ZBTB7C: variants seen among roughly 807,000 people sequenced by gnomAD.
The protein encoded by ZBTB7C is zinc finger and BTB domain-containing protein 7C.
Under a neutral mutation model 25.7 loss-of-function variants are expected in ZBTB7C, and 8 were observed. The observed-to-expected ratio is 0.31, with a 90% CI of 0.18 to 0.56. ZBTB7C has a LOEUF of 0.56. Among genes scored for constraint, ZBTB7C ranks in the 20% least tolerant of loss-of-function variants. The probability of loss-of-function intolerance (pLI) is 0.91; values close to 1 mark genes in which losing one functional copy is unlikely to be tolerated. For synonymous variants in ZBTB7C, 394 were observed against 369.0 expected (o/e 1.07, Z -0.78); for missense variants, 824 against 855.2 (o/e 0.96, Z 0.46).
intron 2 of ZBTB7C, among the ~76,000 whole-genome samples, chr18:48,206,574 C>T (rs2042581052): frequency 2.6e-5 from 4 of 152,126 alleles, no homozygotes; most frequent in South Asian, 2.1e-4. Flanking sequence ...GTGGGAGGAT[C>T]GCTTCAGTCC....
chr18:48,171,706 A>G (rs888622180), intron 3 of ZBTB7C, among the ~76,000 whole-genome samples: 7 of 152,224 alleles, frequency 4.6e-5, no homozygotes, highest in Non-Finnish European at 1.0e-4. Flanking sequence ...GCAGGCACAC[A>G]GTAGGCATCT....
intron 2 of ZBTB7C, among the ~76,000 whole-genome samples, chr18:48,331,311 T>A (rs1397264806): frequency 6.6e-6 from 1 of 152,178 alleles, no homozygotes; most frequent in Non-Finnish European, 1.5e-5. Context: ...GATCTTGGGC[T>A]TTATGCTATA....
chr18:48,131,854 A>G (rs1368027162), intron 3 of ZBTB7C, among the ~76,000 whole-genome samples: 1 of 152,228 alleles, frequency 6.6e-6, no homozygotes, highest in Non-Finnish European at 1.5e-5. Context: ...CCTTAAAGAT[A>G]GGACGGCTAC....
At chr18:48,221,088 A>G (rs1701582007) in intron 2 of ZBTB7C, among the ~76,000 whole-genome samples, 1 of 143,366 alleles carries the variant, frequency 7.0e-6, no homozygotes, top group Non-Finnish European at 1.5e-5. Context: ...AGTCTCCTCT[A>G]TACTATCCCA....
At chr18:48,116,656 G>A (rs1469397954) in intron 3 of ZBTB7C, among the ~76,000 whole-genome samples, 1 of 152,000 alleles carries the variant, frequency 6.6e-6, no homozygotes, top group African/African-American at 2.4e-5. Flanking sequence ...CAACTGCTTG[G>A]GGGGCCTCCT....
At chr18:48,035,548 T>G (rs1183648261) in intron 4 of ZBTB7C, among the ~76,000 whole-genome samples, 1 of 152,182 alleles carries the variant, frequency 6.6e-6, no homozygotes, top group African/African-American at 2.4e-5. Context: ...AGGCGGAAGA[T>G]GCACAGGCTT....
In ZBTB7C at chr18:48,118,834, G is replaced by A. The variant is rs1194188434; in HGVS notation, c.-17+67100C>T. ...TTATACATATTTTTTGCAAGGTTGC[G>A]AAGCTACATCAAAACATTAACAATA... On this transcript the variant is annotated intron_variant, in intron 3 of 4. Coordinates refer to ENST00000590800, the MANE Select transcript of ZBTB7C (RefSeq NM_001318841.2). 5.3e-5 allele frequency among the ~76,000 whole-genome samples: 8 copies of A among 152,128 alleles called. No individual in the cohort carries two copies. In the South Asian group the frequency reaches 1.0e-3, roughly 20 times the overall value.
intron 1 of ZBTB7C, among the ~76,000 whole-genome samples, chr18:48,358,429 T>A (rs1366984662): frequency 6.6e-6 from 1 of 152,160 alleles, no homozygotes; most frequent in East Asian, 1.9e-4. Flanking sequence ...CACTGCCTGC[T>A]CTCCCTTTGC....
At chr18:48,331,879 T>C (rs1006044899) in intron 2 of ZBTB7C, among the ~76,000 whole-genome samples, 4 of 152,150 alleles carry the variant, frequency 2.6e-5, no homozygotes, top group Non-Finnish European at 5.9e-5. Flanking sequence ...ATCACTGAAA[T>C]GTTCAAAGAG....
At chr18:48,291,302 G>A (rs140209982) in intron 2 of ZBTB7C, among the ~76,000 whole-genome samples, 49 of 152,266 alleles carry the variant, frequency 3.2e-4, no homozygotes, top group African/African-American at 1.2e-3. Context: ...GAGGGGGGAT[G>A]TTTGAGAACT....
chr18:48,208,482 A>G (rs1452864996), intron 2 of ZBTB7C, among the ~76,000 whole-genome samples: 3 of 152,128 alleles, frequency 2.0e-5, no homozygotes, highest in Non-Finnish European at 4.4e-5. Flanking sequence ...TCTAACTTCT[A>G]CTTATGCCCC....
intron 2 of ZBTB7C, among the ~76,000 whole-genome samples, chr18:48,187,252 G>A (rs537221135): frequency 1.8e-4 from 27 of 152,324 alleles, no homozygotes; most frequent in African/African-American, 5.8e-4. Context: ...GCAGATATCT[G>A]TACATCCACG....
At chr18:48,270,379 G>A (rs1361501852) in intron 2 of ZBTB7C, among the ~76,000 whole-genome samples, 1 of 150,194 alleles carries the variant, frequency 6.7e-6, no homozygotes, top group African/African-American at 2.4e-5. Context: ...CTAAAGGCGT[G>A]TGCCACCATG....
intron 3 of ZBTB7C, among the ~76,000 whole-genome samples, chr18:48,172,017 T>C (rs72922145): frequency 0.15 from 22,259 of 152,158 alleles, 1,813 homozygotes; most frequent in South Asian, 0.24. Context: ...TCTTGGGTGG[T>C]TCATACTGAA....
At chr18:48,050,339 CAT>C (rs1214150348) in intron 3 of ZBTB7C, among the ~76,000 whole-genome samples, 1 of 152,180 alleles carries the variant, frequency 6.6e-6, no homozygotes, top group Non-Finnish European at 1.5e-5. Context: ...TGGAACCAGA[CAT>C]GTGGGCTGGG....
intron 2 of ZBTB7C, among the ~76,000 whole-genome samples, chr18:48,328,025 G>A (rs1018729363): frequency 7.2e-5 from 11 of 151,738 alleles, no homozygotes; most frequent in African/African-American, 2.2e-4. Flanking sequence ...TGGCTAACAC[G>A]GTGAAAATTA....
rs1007569806 is a variant in ZBTB7C at position 48,196,323 on chromosome 18, T to A, written c.-78-10328A>T. Among the ~76,000 whole-genome samples, 4 of 152,132 alleles carry A rather than the reference T, an allele frequency of 2.6e-5. No homozygotes were observed. The East Asian group carries it at 7.7e-4, about 29-fold the overall frequency. On this transcript the variant is annotated intron_variant, in intron 2 of 4. Coordinates refer to ENST00000590800, the MANE Select transcript of ZBTB7C (RefSeq NM_001318841.2). ...CCCTCCGTGCATCCCCACCCAAGAC[T>A]TCCTCCCATTGCAGCTGTCTAGGAA...
chr18:48,034,634 A>G (rs2035896429), intron 4 of ZBTB7C, among the ~76,000 whole-genome samples: 1 of 152,128 alleles, frequency 6.6e-6, no homozygotes, highest in Non-Finnish European at 1.5e-5. Flanking sequence ...CTGAATGTAG[A>G]TAGAGAGGAG....
intron 3 of ZBTB7C, among the ~76,000 whole-genome samples, chr18:48,163,057 T>G (rs2041121450): frequency 1.3e-5 from 2 of 152,176 alleles, no homozygotes; most frequent in Admixed American, 1.3e-4. Context: ...TGGTCCTCAG[T>G]GAAGCGGCAG....
Sources: gnomAD v4.1 joint callset for allele counts (sites outside exome capture counted in the v4.1 genomes callset) on GRCh38, gnomAD v4.1.1 for gene constraint, MANE v1.5 for transcripts, NCBI Gene and HGNC (gene_info 2026-07-23, HGNC 2026-07-21) for gene names.